Variants in FUNDC2 observed in about 807,000 individuals in gnomAD.
FUNDC2 encodes the protein FUN14 domain containing 2.
Under a neutral mutation model 15.6 loss-of-function variants are expected in FUNDC2, and 4 were observed. That is an observed-to-expected ratio of 0.26 (90% CI 0.13 to 0.59). The LOEUF (loss-of-function observed/expected upper bound fraction) is 0.59. Ranked by LOEUF, FUNDC2 falls within the 20% of genes least tolerant of loss-of-function variation. FUNDC2 has a pLI of 0.90. For synonymous variants in FUNDC2, 44 were observed against 56.9 expected, an observed-to-expected ratio of 0.77 and a Z score of 1.02; for missense variants, 98 against 149.7, an observed-to-expected ratio of 0.65 and a Z score of 1.80.
chrX:155,029,286 A>G (rs965180021), intron 1 of FUNDC2, among the ~76,000 whole-genome samples: 4 of 112,131 alleles, frequency 3.6e-5, no homozygotes, highest in Non-Finnish European at 7.5e-5. Flanking sequence ...AACAAAGACA[A>G]ACCACAGTGC....
At chrX:155,039,885 G>A (rs1557289413) in intron 2 of FUNDC2, among the ~76,000 whole-genome samples, 1 of 111,835 alleles carries the variant, frequency 8.9e-6, no homozygotes, top group African/African-American at 3.3e-5. Context: ...TGTGAAAAAT[G>A]TCATTGGAAT....
At chrX:155,050,141 C>T (rs1405400684) in intron 3 of FUNDC2, 8 of 111,790 alleles carry the variant, frequency 7.2e-5, no homozygotes, top group Admixed American at 5.7e-4. Context: ...GGAGTGGAGA[C>T]GGCGGACAGC....
chrX:155,038,947 T>C (rs2073839786), intron 2 of FUNDC2, among the ~76,000 whole-genome samples: 1 of 112,356 alleles, frequency 8.9e-6, no homozygotes, highest in African/African-American at 3.2e-5. Flanking sequence ...ATAATGGCTC[T>C]ACTAATTTAC....
In FUNDC2 at chrX:155,055,167, T is replaced by C. The variant is rs782756518; in HGVS notation, c.*495T>C. 1.0e-3 allele frequency: 309 copies of C among 297,288 alleles called. No individual in the cohort carries two copies. Among genetic ancestry groups the C allele is most frequent in the Non-Finnish European group, 1.3e-3 (229 of 170,943 alleles). The allele number at this position is 297,288 out of a possible 1,213,427, so 24.5% of individuals were successfully genotyped here. The stretch of plus-strand genomic sequence containing the variant: ...TAGTTGGTTTTACATTACAGAAAGC[T>C]ATTTAAATGTGTTATAATTATGCCG... On this transcript the variant is annotated 3_prime_UTR_variant, in exon 5 of 5. Transcript: ENST00000369498.
intron 3 of FUNDC2, chrX:155,050,133 A>G (rs1420487271): frequency 8.9e-6 from 1 of 111,736 alleles, no homozygotes; most frequent in African/African-American, 3.3e-5. Flanking sequence ...ATTTAATAGG[A>G]GTGGAGACGG....
intron 4 of FUNDC2, among the ~76,000 whole-genome samples, chrX:155,053,487 C>T (rs1274693807): frequency 1.3e-4 from 14 of 111,730 alleles, no homozygotes; most frequent in Admixed American, 1.9e-4. Context: ...AAATAATAAA[C>T]GAAACCAATT....
At chrX:155,042,086 AG>A (rs782422509) in intron 2 of FUNDC2, among the ~76,000 whole-genome samples, 9 of 105,082 alleles carry the variant, frequency 8.6e-5, no homozygotes, top group South Asian at 4.0e-4. Flanking sequence ...AAAAAAAAAA[AG>A]AAAAAAAAGA....
Position 155,057,036 on chromosome X carries a change from T to TG in FUNDC2, c.*2364_*2365insG, listed in dbSNP as rs1199920039. On this transcript the variant is annotated 3_prime_UTR_variant, in exon 5 of 5. Coordinates refer to ENST00000369498, the MANE Select transcript of FUNDC2 (RefSeq NM_023934.4). The stretch of plus-strand genomic sequence containing the variant: ...TTGAGGTCAGTATTGCAGGTTGGCC[T>TG]CATCCTGCTAGTATGAGAACGGCTG... 1 of 95,685 alleles carries TG rather than the reference T, an allele frequency of 1.0e-5. No individual in the cohort carries two copies. Among genetic ancestry groups the TG allele is most frequent in the Middle Eastern group, 4.5e-3 (1 of 220 alleles). The allele number at this position is 95,685 out of a possible 1,213,427, so 7.9% of individuals were successfully genotyped here. A position where few individuals can be genotyped will look rare whatever the true frequency, so the allele number is the denominator to read the frequency against.
rs975489549 is a variant in FUNDC2, at chrX:155,057,022, A to G, written c.*2350A>G. ...TGTGAGGGTCATGGTTGAGGTCAGTATTGCAGGTTGGCCTCATCCTGCTAG... is the reference window on the plus strand; with the variant it reads ...TGTGAGGGTCATGGTTGAGGTCAGTGTTGCAGGTTGGCCTCATCCTGCTAG... On this transcript the variant is annotated 3_prime_UTR_variant, in exon 5 of 5. Coordinates refer to ENST00000369498, the MANE Select transcript of FUNDC2 (RefSeq NM_023934.4). 3 of 102,648 alleles carry G rather than the reference A, an allele frequency of 2.9e-5. No individual in the cohort carries two copies. Among genetic ancestry groups the G allele is most frequent in the South Asian group, 3.9e-4 (1 of 2,570 alleles). The allele number at this position is 102,648 out of a possible 1,213,427, so 8.5% of individuals were successfully genotyped here. A position where few individuals can be genotyped will look rare whatever the true frequency, so the allele number is the denominator to read the frequency against.
At position 155,029,319 on chromosome X, in the gene FUNDC2, A is replaced by G. The variant is rs376846764; in HGVS notation, c.133+2248A>G. Among the ~76,000 whole-genome samples, 19 of 112,439 alleles carry G rather than the reference A, an allele frequency of 1.7e-4. No individual in the cohort carries two copies. The East Asian group carries it at 4.4e-3, about 26-fold the overall frequency. On this transcript the variant is annotated intron_variant, in intron 1 of 4. Coordinates refer to ENST00000369498, the MANE Select transcript of FUNDC2 (RefSeq NM_023934.4). ...TGCTGTGGCTGAATTCCTGATCCAC[A>G]AAATCTGAGAGCATAATATATGATT...
chrX:155,045,391 G>A (rs2073859177), intron 2 of FUNDC2, among the ~76,000 whole-genome samples: 1 of 111,834 alleles, frequency 8.9e-6, no homozygotes, highest in African/African-American at 3.3e-5. Flanking sequence ...TGAGATGATA[G>A]ATATATTAAT....
intron 3 of FUNDC2, chrX:155,049,237 C>CT (rs782346336): frequency 8.9e-6 from 1 of 112,807 alleles, no homozygotes; most frequent in African/African-American, 3.2e-5. Flanking sequence ...GGAGAGGCTG[C>CT]TTTTCCCAGT....
chrX:155,054,512 C>G, intron 4 of FUNDC2, 83 bp from the exon 5 acceptor site: 1 of 1,184,692 alleles, frequency 8.4e-7, no homozygotes, highest in Admixed American at 2.2e-5. Context: ...ATTGTTAAGA[C>G]TGGCATAGGT....
intron 3 of FUNDC2, chrX:155,051,108 G>C (rs1353366993): frequency 8.9e-6 from 1 of 112,925 alleles, no homozygotes; most frequent in African/African-American, 3.2e-5. Context: ...CTGAGTTTTA[G>C]TGTTTGTGCC....
chrX:155,058,129 C>T lies in FUNDC2; in HGVS notation c.*3457C>T. 1 of 111,524 alleles carries T rather than the reference C, an allele frequency of 9.0e-6. No individual in the cohort carries two copies. The highest frequency in any genetic ancestry group is 1.9e-5 in the Non-Finnish European group (1 of 53,145). 9.2% of individuals were successfully genotyped at this position (111,524 alleles called of 1,213,427 possible). A position where few individuals can be genotyped will look rare whatever the true frequency, so the allele number is the denominator to read the frequency against. ...CATTCATTAACAGGACAGTGGGGTT[C>T]TTGACTCCCCTACCACTGGGGTGAC... On this transcript the variant is annotated 3_prime_UTR_variant, in exon 5 of 5. Coordinates refer to ENST00000369498, the MANE Select transcript of FUNDC2 (RefSeq NM_023934.4).
rs1175079092 is a variant in FUNDC2, at chrX:155,042,175, C to CTTTTT, written c.285-4309_285-4305dup. Among the ~76,000 whole-genome samples the CTTTTT allele has an allele frequency of 3.9e-3, 154 of 39,206 alleles. 6 individuals carry two copies. Among genetic ancestry groups the CTTTTT allele is most frequent in the African/African-American group, 5.9e-3 (45 of 7,646 alleles). The allele number at this position is 39,206 out of a possible 115,157, so 34.0% of individuals were successfully genotyped here. A position where few individuals can be genotyped will look rare whatever the true frequency, so the allele number is the denominator to read the frequency against. ...CCTTGCTATAGTTTTCTTTTTCTATCTTTTTTTTTTTTTTTTTTTTTTTTT... is the reference window on the plus strand; with the variant it reads ...CCTTGCTATAGTTTTCTTTTTCTATCTTTTTTTTTTTTTTTTTTTTTTTTTTTTTT... On this transcript the variant is annotated intron_variant, in intron 2 of 4. Transcript: ENST00000369498.
chrX:155,041,101 A>G, intron 2 of FUNDC2, among the ~76,000 whole-genome samples: 1 of 110,823 alleles, frequency 9.0e-6, no homozygotes, highest in Non-Finnish European at 1.9e-5. Context: ...CATTTTCATA[A>G]TTCTATTTTT....
rs115277539 is a variant in FUNDC2 at position 155,059,073 on chromosome X, G to C, written c.*4401G>C. 1 of 111,637 alleles carries C rather than the reference G, an allele frequency of 9.0e-6. No individual in the cohort carries two copies. The highest frequency in any genetic ancestry group is 1.9e-5 in the Non-Finnish European group (1 of 53,172). The allele number at this position is 111,637 out of a possible 1,213,427, so 9.2% of individuals were successfully genotyped here. A position where few individuals can be genotyped will look rare whatever the true frequency, so the allele number is the denominator to read the frequency against. ...CTGGAGTGCTGTTCAGGCATCCTGAGGTTTTAAAGTGTCTTAGCTTTTTCT... is the reference window on the plus strand; with the variant it reads ...CTGGAGTGCTGTTCAGGCATCCTGACGTTTTAAAGTGTCTTAGCTTTTTCT... On this transcript the variant is annotated 3_prime_UTR_variant, in exon 5 of 5. Transcript: ENST00000369498.
chrX:155,030,277 T>C (rs1022393946), intron 1 of FUNDC2, among the ~76,000 whole-genome samples: 1 of 101,959 alleles, frequency 9.8e-6, no homozygotes, highest in Non-Finnish European at 1.9e-5. Flanking sequence ...ACACTTGTAA[T>C]CCCAGCACTT....
Sources: gnomAD v4.1 joint callset for allele counts (sites outside exome capture counted in the v4.1 genomes callset) on GRCh38, gnomAD v4.1.1 for gene constraint, MANE v1.5 for transcripts, NCBI Gene and HGNC (gene_info 2026-07-23, HGNC 2026-07-21) for gene names.